The following EEF2K variants were observed in gnomAD, a reference collection of about 807,000 sequenced individuals.
EEF2K encodes the protein alternative protein EEF2K.
In EEF2K, 70 loss-of-function variants were observed where a neutral mutation model predicts 93.8. The observed-to-expected ratio is 0.75, with a 90% CI of 0.62 to 0.91. EEF2K has a LOEUF of 0.91. Ranked by LOEUF, EEF2K falls within the 40% of genes least tolerant of loss-of-function variation. The probability of loss-of-function intolerance (pLI) is 0.00; values close to 1 mark genes in which losing one functional copy is unlikely to be tolerated. For missense variants in EEF2K, 935 were observed against 972.9 expected (o/e 0.96, Z 0.52); for synonymous variants, 376 against 380.8 (o/e 0.99, Z 0.15).
intron 15 of EEF2K, among the ~76,000 whole-genome samples, chr16:22,271,646 C>T (rs957484198): frequency 1.3e-5 from 2 of 151,300 alleles, no homozygotes; most frequent in South Asian, 2.1e-4. Flanking sequence ...TTGAGGCTTC[C>T]GTGAGCTATG....
chr16:22,251,531 C>T (rs574086755), intron 6 of EEF2K, among the ~76,000 whole-genome samples: 92 of 152,170 alleles, frequency 6.0e-4, no homozygotes, highest in African/African-American at 2.0e-3. Context: ...AGCGATTCTC[C>T]TGCCTCAGCC....
chr16:22,263,288 C>T (rs1007921978), intron 12 of EEF2K, 101 bp downstream of exon 12: 1 of 1,059,020 alleles, frequency 9.4e-7, no homozygotes, highest in Admixed American at 3.0e-5. Flanking sequence ...ATGAGTGGGT[C>T]CTGAGAAGAT....
intron 15 of EEF2K, 80 bp from the exon 16 acceptor site, chr16:22,273,546 A>G: frequency 6.4e-7 from 1 of 1,564,906 alleles, no homozygotes; most frequent in South Asian, 1.2e-5. Flanking sequence ...CAGGGTGAAG[A>G]TTGAGTAGTG....
chr16:22,238,305 G>T (rs1156313124), intron 2 of EEF2K, among the ~76,000 whole-genome samples: 1 of 152,012 alleles, frequency 6.6e-6, no homozygotes, highest in Admixed American at 6.6e-5. Context: ...TGCCCGGGGG[G>T]AATACAAAGA....
intron 1 of EEF2K, among the ~76,000 whole-genome samples, chr16:22,224,709 T>G (rs543533615): frequency 4.1e-4 from 62 of 151,358 alleles, no homozygotes; most frequent in African/African-American, 1.3e-3. Context: ...TCCCAGCACT[T>G]TGGGAGGCCC....
chr16:22,222,988 T>C (rs934225940), intron 1 of EEF2K, among the ~76,000 whole-genome samples: 8 of 152,098 alleles, frequency 5.3e-5, no homozygotes, highest in African/African-American at 1.9e-4. Flanking sequence ...CCATTAGCAA[T>C]CATTCCCCAT....
intron 10 of EEF2K, among the ~76,000 whole-genome samples, chr16:22,259,793 C>A (rs1472995106): frequency 1.3e-5 from 2 of 151,982 alleles, no homozygotes; most frequent in African/African-American, 4.8e-5. Context: ...CTCTCTGTCA[C>A]CCCGGCTGGA....
chr16:22,225,909 C>T lies in EEF2K; in HGVS notation c.180C>T (p.Tyr60=), dbSNP rs2047058956. Residue 60 remains tyrosine, a synonymous_variant, in exon 2 of 18, where the codon TAC becomes TAT. Coordinates refer to ENST00000263026, the MANE Select transcript of EEF2K (RefSeq NM_013302.5). Reference sequence around the variant, plus strand: ...TCAATTCCAAGGTTAATAAGTACTACAGCAACCTAACAAAAAGTGAGCGGT... The same window carrying T: ...TCAATTCCAAGGTTAATAAGTACTATAGCAACCTAACAAAAAGTGAGCGGT... ...QNVNSKVNKY[Y]SNLTKSERYS... 4 of 1,614,118 alleles carry T rather than the reference C, an allele frequency of 2.5e-6. No homozygotes were observed. The highest frequency in any genetic ancestry group is 2.7e-5 in the African/African-American group (2 of 74,952).
At chr16:22,280,645 T>G (rs1326832611) in intron 17 of EEF2K, among the ~76,000 whole-genome samples, 3 of 150,788 alleles carry the variant, frequency 2.0e-5, no homozygotes, top group East Asian at 3.9e-4. Context: ...AGTAGGGGGG[T>G]TTTCCTTTCC....
In EEF2K at chr16:22,258,509, A is replaced by G. The variant is rs372222067; in HGVS notation, c.1045A>G (p.Ile349Val). 86 of 1,613,976 alleles carry G rather than the reference A, an allele frequency of 5.3e-5. No homozygotes were observed. The highest frequency in any genetic ancestry group is 6.9e-5 in the Non-Finnish European group (82 of 1,180,022). ...NTKLLQSAKT[I>V]LRGTEEKCGS... is the part of the protein sequence containing the mutation. The stretch of plus-strand genomic sequence containing the variant: ...ATGTCCCTAGCAATCAGCCAAGACC[A>G]TCTTGAGAGGAACAGAGGAAAAATG... The change falls in exon 10 of 18, where the codon ATC (isoleucine) becomes GTC (valine). Residue 349 changes from isoleucine (I) to valine (V), a missense_variant. By Grantham distance (29) the Ile-to-Val change is conservative. Coordinates refer to ENST00000263026, the MANE Select transcript of EEF2K (RefSeq NM_013302.5).
Position 22,258,926 on chromosome 16 carries a change from T to A in EEF2K, c.1231+231T>A. The A allele has an allele frequency of 6.1e-6, 3 of 487,940 alleles. No homozygotes were observed. In the East Asian group the frequency reaches 1.1e-4, roughly 17 times the overall value. The allele number at this position is 487,940 out of a possible 1,614,324, so 30.2% of individuals were successfully genotyped here. ...AAGTAACTTTTATCAGTGTGTTTTA[T>A]GAAACCAGCAAAACCTATATAATAA... On this transcript the variant is annotated intron_variant, in intron 10 of 17. Coordinates refer to ENST00000263026, the MANE Select transcript of EEF2K (RefSeq NM_013302.5).
At chr16:22,258,081 A>G (rs2047424753) in intron 9 of EEF2K, among the ~76,000 whole-genome samples, 1 of 152,034 alleles carries the variant, frequency 6.6e-6, no homozygotes, top group Non-Finnish European at 1.5e-5. Flanking sequence ...TGTGTGATGT[A>G]TTGACAAATG....
intron 1 of EEF2K, among the ~76,000 whole-genome samples, chr16:22,209,406 C>T (rs752620270): frequency 1.3e-5 from 2 of 152,052 alleles, no homozygotes; most frequent in Admixed American, 6.6e-5. Context: ...GCAGGGTTGT[C>T]GTCTGGTTGC....
chr16:22,240,101 CAA>C lies in EEF2K; in HGVS notation c.247-4510_247-4509del, dbSNP rs765234012. ...CTGGTGACAGAGCCAGACTCCATCT[CAA>C]AAAAAAAAAAAAAAAAAAGGTACAG... On this transcript the variant is annotated intron_variant, in intron 2 of 17. Transcript: ENST00000263026. 2.4e-3 allele frequency among the ~76,000 whole-genome samples: 141 copies of C among 58,276 alleles called. 1 individual carries two copies. The highest frequency in any genetic ancestry group is 6.6e-3 in the African/African-American group (107 of 16,184). The allele number at this position is 58,276 out of a possible 152,430, so 38.2% of individuals were successfully genotyped here.
intron 16 of EEF2K, among the ~76,000 whole-genome samples, chr16:22,276,080 G>A (rs2047631801): frequency 6.6e-6 from 1 of 152,066 alleles, no homozygotes; most frequent in Admixed American, 6.6e-5. Context: ...GCGTAGCTGG[G>A]ACCATAGGCA....
At chr16:22,244,768 G>T (rs772854122) in intron 3 of EEF2K, 38 bp downstream of exon 3, 3 of 1,603,904 alleles carry the variant, frequency 1.9e-6, no homozygotes, top group Non-Finnish European at 2.6e-6. Flanking sequence ...AGTCCTGGGG[G>T]CTATACGTCC....
At chr16:22,243,022 C>T (rs1383602431) in intron 2 of EEF2K, among the ~76,000 whole-genome samples, 2 of 151,560 alleles carry the variant, frequency 1.3e-5, no homozygotes, top group African/African-American at 4.9e-5. Context: ...GTGATCATGC[C>T]ACTGCACTCC....
intron 14 of EEF2K, 73 bp from the exon 15 acceptor site, chr16:22,266,614 AG>A (rs1173310645): frequency 6.3e-7 from 1 of 1,589,376 alleles, no homozygotes; most frequent in Middle Eastern, 1.7e-4. Flanking sequence ...TTCCTCCCGC[AG>A]GCTGGCTGGG....
At position 22,251,284 on chromosome 16, in the gene EEF2K, T is replaced by TG; in HGVS notation, c.586dup (p.Glu196GlyfsTer4). ...GCGTCTACAGATGGAGGCCAAGCTC[T>TG]GGGGGGAGGAGTATAATCGGCACAA... On this transcript the variant is annotated frameshift_variant, in exon 6 of 18. Coordinates refer to ENST00000263026, the MANE Select transcript of EEF2K (RefSeq NM_013302.5). LOFTEE classifies it high-confidence loss of function. The TG allele has an allele frequency of 6.2e-7, 1 of 1,614,130 alleles. No homozygotes were observed. Among genetic ancestry groups the TG allele is most frequent in the Non-Finnish European group, 8.5e-7 (1 of 1,180,006 alleles).
Sources: allele counts gnomAD v4.1 joint callset (sites outside exome capture counted in the v4.1 genomes callset), GRCh38; gene constraint gnomAD v4.1.1; transcripts MANE v1.5; gene names NCBI Gene and HGNC (gene_info 2026-07-23, HGNC 2026-07-21).